Variants in SECISBP2L observed in about 807,000 individuals in gnomAD.
SECISBP2L encodes the protein SECIS binding protein 2 like, also known as selenocysteine insertion sequence-binding protein 2-like.
SECISBP2L carries 43 observed loss-of-function variants against 114.7 expected under a neutral mutation model. The ratio of observed to expected loss-of-function variants is 0.38; its 90% CI spans 0.29 to 0.48. The LOEUF (loss-of-function observed/expected upper bound fraction) is 0.48. Among genes scored for constraint, SECISBP2L ranks in the 20% least tolerant of loss-of-function variants. The pLI, the probability that SECISBP2L is intolerant of heterozygous loss-of-function variation, is 0.98. For synonymous variants in SECISBP2L, 451 were observed against 439.7 expected, an observed-to-expected ratio of 1.03 and a Z score of -0.32; for missense variants, 1,136 against 1,301.1, an observed-to-expected ratio of 0.87 and a Z score of 1.95.
chr15:49,032,652 T>C (rs1387561254), intron 4 of SECISBP2L, among the ~76,000 whole-genome samples: 3 of 152,230 alleles, frequency 2.0e-5, no homozygotes, highest in Non-Finnish European at 4.4e-5. Flanking sequence ...AATTTTAATT[T>C]TAACCAAAAT....
Position 48,992,259 on chromosome 15 carries a change from T to C in SECISBP2L, c.3291A>G (p.Thr1097=). ...LNKEHSDSNY[T]TQTT ...ATTTCCTGAGTTACGTAGTTTGCGTTGTGTAATTAGAATCAGAGTGCTCTT... is the reference window on the plus strand; with the variant it reads ...ATTTCCTGAGTTACGTAGTTTGCGTCGTGTAATTAGAATCAGAGTGCTCTT... Residue 1097 remains threonine (T), a synonymous_variant, in exon 18 of 18, where the codon ACA becomes ACG. Transcript: ENST00000559471. 6.2e-7 allele frequency: 1 copy of C among 1,604,042 alleles called. No homozygotes were observed. The highest frequency in any genetic ancestry group is 8.5e-7 in the Non-Finnish European group (1 of 1,174,364).
intron 17 of SECISBP2L, among the ~76,000 whole-genome samples, chr15:48,995,542 C>A: frequency 6.6e-6 from 1 of 151,286 alleles, no homozygotes; most frequent in African/African-American, 2.4e-5. Flanking sequence ...TGATAACCTC[C>A]CAGAGAAAAG....
chr15:48,999,097 G>A (rs1270519703), intron 16 of SECISBP2L, among the ~76,000 whole-genome samples: 3 of 152,226 alleles, frequency 2.0e-5, no homozygotes, highest in African/African-American at 7.2e-5. Flanking sequence ...CATAGAGCAG[G>A]TGGGTAGAGA....
chr15:49,032,827 G>C, intron 4 of SECISBP2L, 138 bp downstream of exon 4: 1 of 1,144,388 alleles, frequency 8.7e-7, no homozygotes, highest in Non-Finnish European at 1.2e-6. Context: ...ATCCTTCCTA[G>C]AGAATTTCAC....
At chr15:49,030,048 A>C (rs1415402204) in intron 4 of SECISBP2L, among the ~76,000 whole-genome samples, 1 of 10,292 alleles carries the variant, frequency 9.7e-5, no homozygotes, top group Non-Finnish European at 3.0e-4. Flanking sequence ...AAGACAGTCC[A>C]AAAAAAAAAA....
At position 48,992,435 on chromosome 15, in the gene SECISBP2L, C is replaced by T; in HGVS notation, c.3115G>A (p.Gly1039Ser). The T allele has an allele frequency of 6.2e-7, 1 of 1,614,136 alleles. No individual in the cohort carries two copies. Among genetic ancestry groups the T allele is most frequent in the Non-Finnish European group, 8.5e-7 (1 of 1,180,032 alleles). ...TGCTCTACATTGTCTTCCTCAGAAC[C>T]ATTAAGGGTTTTTCCAAGCTGAAGG... ...ETLQLGKTLN[G>S]SEEDNVEQSG... The change falls in exon 18 of 18, where the codon GGT (glycine) becomes AGT (serine). Residue 1039 changes from glycine (G) to serine (S), a missense_variant. This residue lies in a region of SECISBP2L where 684 missense variants were observed against 848.7 expected (regional missense o/e 0.81). Transcript: ENST00000559471.
At position 49,028,639 on chromosome 15, in the gene SECISBP2L, A is replaced by T. The variant is rs1486392621; in HGVS notation, c.708T>A (p.Thr236=). 1 of 1,614,180 alleles carries T rather than the reference A, an allele frequency of 6.2e-7. No homozygotes were observed. The highest frequency in any genetic ancestry group is 8.5e-7 in the Non-Finnish European group (1 of 1,180,020). Residue 236 remains threonine (T), a synonymous_variant, in exon 5 of 18, where the codon ACT becomes ACA. Coordinates refer to ENST00000559471, the MANE Select transcript of SECISBP2L (RefSeq NM_001193489.2). ...CCTTGGACTTCCAGAGCATTGTTGC[A>T]GTGGTCTCTGAGAGAGACTTGTTAG... The part of the protein sequence containing the change: ...DIANKSLSET[T]ATMLWKSKGR...
intron 12 of SECISBP2L, 52 bp from the exon 13 acceptor site, chr15:49,011,915 CA>C: frequency 6.4e-7 from 1 of 1,574,322 alleles, no homozygotes. Context: ...CAACTGTGTA[CA>C]AATGATGACA....
chr15:49,035,745 A>C (rs1472495685), intron 2 of SECISBP2L, 87 bp from the exon 3 acceptor site: 2 of 1,175,910 alleles, frequency 1.7e-6, no homozygotes, highest in East Asian at 4.9e-5. Flanking sequence ...CACTAATAAA[A>C]GACAAAACAG....
intron 13 of SECISBP2L, among the ~76,000 whole-genome samples, chr15:49,011,369 A>G (rs1226734860): frequency 6.6e-6 from 1 of 152,238 alleles, no homozygotes; most frequent in East Asian, 1.9e-4. Context: ...CTCAATGAAA[A>G]GTAGCCCTAA....
chr15:49,043,920 T>C (rs1903191038), intron 1 of SECISBP2L, among the ~76,000 whole-genome samples: 1 of 151,802 alleles, frequency 6.6e-6, no homozygotes, highest in Non-Finnish European at 1.5e-5. Context: ...AAAAAGGTAA[T>C]TCACAAGAAC....
At chr15:48,993,493 G>A (rs1902031780) in intron 17 of SECISBP2L, among the ~76,000 whole-genome samples, 1 of 151,984 alleles carries the variant, frequency 6.6e-6, no homozygotes, top group Non-Finnish European at 1.5e-5. Context: ...GGTGTAATGG[G>A]CTCAAGGACC....
chr15:49,018,295 TGCCCAGGATAGAGTGCAATG>T (rs1902577522), intron 8 of SECISBP2L, among the ~76,000 whole-genome samples: 2 of 151,684 alleles, frequency 1.3e-5, no homozygotes, highest in East Asian at 3.9e-4. Context: ...TCACTATTGT[TGCCCAGGATAGAGTGCAATG>T]GCACAATCTC....
chr15:49,034,606 A>C (rs1340306571), intron 3 of SECISBP2L, among the ~76,000 whole-genome samples: 1 of 151,856 alleles, frequency 6.6e-6, no homozygotes, highest in Non-Finnish European at 1.5e-5. Context: ...GATCTAATGA[A>C]CCACAAATGT....
At chr15:49,025,700 ATG>A (rs1194436175) in intron 7 of SECISBP2L, among the ~76,000 whole-genome samples, 2 of 152,168 alleles carry the variant, frequency 1.3e-5, no homozygotes, top group Non-Finnish European at 2.9e-5. Flanking sequence ...TCATCTCAGA[ATG>A]CCTATTCTCA....
chr15:49,028,552 T>C lies in SECISBP2L; in HGVS notation c.795A>G (p.Glu265=). 1.2e-6 allele frequency: 2 copies of C among 1,614,144 alleles called. No homozygotes were observed. The highest frequency in any genetic ancestry group is 1.7e-6 in the Non-Finnish European group (2 of 1,180,020). The stretch of plus-strand genomic sequence containing the variant: ...AACCACTATCACTGTCAATGTCGGC[T>C]TCACTAGCCCCCTGCTCACTAGAAG... ...AESSSEQGAS[E]ADIDSDSGYC... is the part of the protein sequence containing the mutation. Residue 265 remains glutamate, a synonymous_variant, in exon 5 of 18, where the codon GAA becomes GAG. Coordinates refer to ENST00000559471, the MANE Select transcript of SECISBP2L (RefSeq NM_001193489.2).
chr15:49,043,067 G>C (rs1196109291), intron 1 of SECISBP2L, among the ~76,000 whole-genome samples: 6 of 152,108 alleles, frequency 3.9e-5, no homozygotes, highest in Non-Finnish European at 7.4e-5. Flanking sequence ...ATTTCCAAAT[G>C]CTATTTTCCC....
intron 7 of SECISBP2L, among the ~76,000 whole-genome samples, chr15:49,026,072 A>G (rs546995106): frequency 4.5e-4 from 68 of 152,338 alleles, no homozygotes; most frequent in African/African-American, 1.5e-3. Context: ...TGTCATTCAC[A>G]GCAACATGGA....
intron 7 of SECISBP2L, among the ~76,000 whole-genome samples, chr15:49,021,075 G>C (rs1185078660): frequency 1.3e-5 from 2 of 151,944 alleles, no homozygotes; most frequent in African/African-American, 2.4e-5. Flanking sequence ...AGGTGATTAA[G>C]TTATGAGGGC....
Sources: allele counts gnomAD v4.1 joint callset (sites outside exome capture counted in the v4.1 genomes callset), GRCh38; gene constraint gnomAD v4.1.1; regional missense constraint gnomAD v4.1.1; transcripts MANE v1.5; gene names NCBI Gene and HGNC (gene_info 2026-07-23, HGNC 2026-07-21).